Variants in ADAMTS7 observed in about 807,000 individuals in gnomAD.
ADAMTS7 encodes A disintegrin and metalloproteinase with thrombospondin motifs 7.
ADAMTS7 carries 89 observed loss-of-function variants against 172.6 expected under a neutral mutation model. The ratio of observed to expected loss-of-function variants is 0.52; its 90% CI spans 0.43 to 0.61. The LOEUF (loss-of-function observed/expected upper bound fraction) is 0.61. Among genes scored for constraint, ADAMTS7 ranks in the 20% least tolerant of loss-of-function variants. The pLI, the probability that ADAMTS7 is intolerant of heterozygous loss-of-function variation, is 0.00. For synonymous variants in ADAMTS7, 885 were observed against 978.4 expected (o/e 0.90, Z 1.78); for missense variants, 1,973 against 2,355.6 (o/e 0.84, Z 3.36).
At chr15:78,803,477 G>A (rs2055751664) in intron 1 of ADAMTS7, among the ~76,000 whole-genome samples, 1 of 143,914 alleles carries the variant, frequency 6.9e-6, no homozygotes, top group South Asian at 2.2e-4. Context: ...TTTTGAGACA[G>A]AGTCTCTCTC....
intron 18 of ADAMTS7, 49 bp from the exon 19 acceptor site, chr15:78,767,100 A>C: frequency 6.6e-7 from 1 of 1,508,092 alleles, no homozygotes; most frequent in Non-Finnish European, 8.9e-7. Flanking sequence ...GCAGGCTGCC[A>C]GGGGACGCTG....
At position 78,790,774 on chromosome 15, in the gene ADAMTS7, G is replaced by A. The variant is rs1207676370; in HGVS notation, c.924C>T (p.His308=). ...AGCTCTTCAGGGTGTTGTCTGCATG[G>A]TGCGTGATCTTTAGGTCCTCCTGGG... ...EDEEEDLKIT[H]HADNTLKSFC... The change falls in exon 6 of 24, where the codon CAC becomes CAT. Residue 308 remains histidine, a synonymous_variant. Transcript: ENST00000388820. 1.9e-6 allele frequency: 3 copies of A among 1,613,882 alleles called. No homozygotes were observed. Among genetic ancestry groups the A allele is most frequent in the Non-Finnish European group, 2.5e-6 (3 of 1,179,942 alleles).
intron 4 of ADAMTS7, among the ~76,000 whole-genome samples, chr15:78,794,850 T>C (rs2055623618): frequency 6.6e-6 from 1 of 152,224 alleles, no homozygotes; most frequent in African/African-American, 2.4e-5. Context: ...CCCAAGTGGC[T>C]AGGACTACAG....
chr15:78,794,034 G>A (rs540093992), intron 4 of ADAMTS7, among the ~76,000 whole-genome samples: 6 of 152,110 alleles, frequency 3.9e-5, no homozygotes, highest in South Asian at 4.1e-4. Context: ...AGGACGAGGC[G>A]GGCAGAATAG....
At chr15:78,787,038 G>T (rs2055511222) in intron 8 of ADAMTS7, among the ~76,000 whole-genome samples, 1 of 152,010 alleles carries the variant, frequency 6.6e-6, no homozygotes, top group South Asian at 2.1e-4. Context: ...CTTTTCTCTA[G>T]CTTACTTTAT....
chr15:78,809,523 C>T (rs1190971392), intron 1 of ADAMTS7, among the ~76,000 whole-genome samples: 1 of 152,180 alleles, frequency 6.6e-6, no homozygotes, highest in Non-Finnish European at 1.5e-5. Context: ...AGTCCTGGGT[C>T]GGCCTGGCAG....
chr15:78,775,543 C>A (rs1004988361), intron 11 of ADAMTS7, among the ~76,000 whole-genome samples: 5 of 151,892 alleles, frequency 3.3e-5, no homozygotes, highest in Non-Finnish European at 5.9e-5. Context: ...GATCTTCACA[C>A]CCCCTGCACC....
chr15:78,791,321 C>A, intron 4 of ADAMTS7, 98 bp from the exon 5 acceptor site: 1 of 935,122 alleles, frequency 1.1e-6, no homozygotes, highest in Non-Finnish European at 1.6e-6. Flanking sequence ...GCAACGCACA[C>A]CTGTGCTCAC....
At position 78,771,487 on chromosome 15, in the gene ADAMTS7, C is replaced by T. The variant is rs1435275180; in HGVS notation, c.2376+98G>A. On this transcript the variant is annotated intron_variant, in intron 15 of 23. Coordinates refer to ENST00000388820, the MANE Select transcript of ADAMTS7 (RefSeq NM_014272.5). The surrounding 1 kb of genome is among the most constrained non-coding windows in gnomAD (Gnocchi z 4.9). ...CTCAGAGCCAGGCTCTGTGACTGAA[C>T]CAGGGCTCACTCCTCCAGGACGAGA... 3.2e-6 allele frequency: 5 copies of T among 1,540,034 alleles called. No homozygotes were observed. In the South Asian group the frequency reaches 5.9e-5, roughly 18 times the overall value.
rs1444520516 is a variant in ADAMTS7, at chr15:78,776,207, G to A, written c.1687C>T (p.Arg563Trp). The change falls in exon 11 of 24, where the codon CGG becomes TGG. Residue 563 changes from arginine (R) to tryptophan (W), a missense_variant. Transcript: ENST00000388820. ...ACTCACGTAGGCTGCGTGCACTGCC[G>A]CTCGGCGCTCTGTACGCCCATGCCA... ...SCGMGVQSAERQCTQPTPKYK... is the reference protein window; with the variant it reads ...SCGMGVQSAEWQCTQPTPKYK... 2.2e-5 allele frequency: 35 copies of A among 1,610,922 alleles called. No homozygotes were observed. Among genetic ancestry groups the A allele is most frequent in the South Asian group, 5.5e-5 (5 of 90,958 alleles).
rs753775871 is a variant in ADAMTS7 at position 78,764,650 on chromosome 15, G to T, written c.4324C>A (p.Arg1442=). 1.9e-6 allele frequency: 3 copies of T among 1,574,162 alleles called. No individual in the cohort carries two copies. The South Asian group carries it at 3.4e-5, about 18-fold the overall frequency. The change falls in exon 20 of 24, where the codon CGG becomes AGG. Residue 1442 remains arginine (R), a synonymous_variant. Transcript: ENST00000388820. ...CCAGCGGGGGCGCAGTCCTCATCCC[G>T]GCCGGAGCTACAGCGCACCGGCCTC... The part of the protein sequence containing the change: ...VWRPVRCSSG[R]DEDCAPAGRP...
rs201515701 is a variant in ADAMTS7 at position 78,775,095 on chromosome 15, G to GT, written c.1707-303dup. ...TCAGTTTCCTCATGTATAAAGTGGG[G>GT]TTGGGGCTGCTTCTGCAGAGGGCTG... is the stretch of plus-strand genomic sequence containing the variant. On this transcript the variant is annotated intron_variant, in intron 11 of 23. Transcript: ENST00000388820. Among the ~76,000 whole-genome samples, 519 of 150,142 alleles carry GT rather than the reference G, an allele frequency of 3.5e-3. 2 individuals carry two copies. The highest frequency in any genetic ancestry group is 0.013 in the African/African-American group (504 of 39,602).
Position 78,766,553 on chromosome 15 carries a change from T to C in ADAMTS7, c.3358A>G (p.Lys1120Glu), listed in dbSNP as rs775952251. The change falls in exon 19 of 24, where the codon AAG (lysine) becomes GAG (glutamate). Residue 1120 changes from lysine (K) to glutamate (E), a missense_variant. This residue lies in a region of ADAMTS7 where 771 missense variants were observed against 952.6 expected (regional missense o/e 0.81). Transcript: ENST00000388820. ...CAAGGTCCCAGTACCCCCTCCTCCT[T>C]GGCTGCAGGAGGCTCTGTGGCAGGC... The part of the protein sequence containing the change: ...PVPATEPPAA[K>E]EEGVLGPWSP... The C allele has an allele frequency of 1.9e-6, 3 of 1,600,534 alleles. No homozygotes were observed. The highest frequency in any genetic ancestry group is 1.1e-5 in the South Asian group (1 of 89,596).
chr15:78,807,503 C>T (rs929207990), intron 1 of ADAMTS7, among the ~76,000 whole-genome samples: 5 of 152,156 alleles, frequency 3.3e-5, no homozygotes, highest in Admixed American at 2.0e-4. Flanking sequence ...GAAAAGCATT[C>T]GGATTAGTGA....
chr15:78,782,251 G>A (rs960512365), intron 8 of ADAMTS7, among the ~76,000 whole-genome samples: 26 of 152,062 alleles, frequency 1.7e-4, no homozygotes, highest in African/African-American at 5.8e-4. Context: ...AGCTTGTCTC[G>A]AACTCCTGAC....
chr15:78,773,227 G>C lies in ADAMTS7; in HGVS notation c.2011-24C>G, dbSNP rs200885561. ...TTCTGCAACACACAAGGAAGGGAGG[G>C]CCCTGGTGCTGGCGGCCAGCCCTCT... is the stretch of plus-strand genomic sequence containing the variant. On this transcript the variant is annotated intron_variant, in intron 13 of 23. Transcript: ENST00000388820. 1,629 of 1,394,400 alleles carry C rather than the reference G, an allele frequency of 1.2e-3. 46 individuals carry two copies. Among genetic ancestry groups the C allele is most frequent in the African/African-American group, 6.6e-3 (453 of 68,988 alleles). The allele number at this position is 1,394,400 out of a possible 1,614,324, so 86.4% of individuals were successfully genotyped here.
In ADAMTS7 at chr15:78,791,209, A is replaced by T. The variant is rs1355580155; in HGVS notation, c.834T>A (p.Phe278Leu). 1 of 1,613,152 alleles carries T rather than the reference A, an allele frequency of 6.2e-7. No homozygotes were observed. The highest frequency in any genetic ancestry group is 1.7e-5 in the Admixed American group (1 of 59,968). Residue 278 changes from phenylalanine to leucine, a missense_variant, in exon 5 of 24, where the codon TTT (phenylalanine) becomes TTA (leucine). Phe to Leu is a conservative substitution (Grantham distance 22). Transcript: ENST00000388820. ...LTIMNMVAGL[F>L]HDPSIGNPIH... ...TGGGGTTCCCAATGCTGGGGTCATG[A>T]AACAGGCCAGCCACCTGCCCAAGAG...
At chr15:78,773,904 G>T (rs2055294840) in intron 13 of ADAMTS7, among the ~76,000 whole-genome samples, 1 of 152,220 alleles carries the variant, frequency 6.6e-6, no homozygotes, top group African/African-American at 2.4e-5. Context: ...GACGCAGGGG[G>T]GCGAGGCCTG....
At chr15:78,788,400 G>A (rs370126023) in intron 7 of ADAMTS7, 26 bp from the exon 8 acceptor site, 17 of 1,609,446 alleles carry the variant, frequency 1.1e-5, no homozygotes, top group Non-Finnish European at 1.4e-5. Context: ...GGCCCCAGGG[G>A]CGGGTGAGCC....
Sources: allele counts gnomAD v4.1 joint callset (sites outside exome capture counted in the v4.1 genomes callset), GRCh38; gene constraint gnomAD v4.1.1; regional missense constraint gnomAD v4.1.1; non-coding constraint Gnocchi (gnomAD v3.1); transcripts MANE v1.5; gene names NCBI Gene and HGNC (gene_info 2026-07-23, HGNC 2026-07-21).